STPG2: variants seen among roughly 807,000 people sequenced by gnomAD.
STPG2 encodes the protein sperm tail PG-rich repeat containing 2.
In STPG2, 56 loss-of-function variants were observed where a neutral mutation model predicts 54.2. The ratio of observed to expected loss-of-function variants is 1.03; its 90% CI spans 0.83 to 1.29. The LOEUF is 1.29. Ranked by LOEUF, STPG2 falls within the 50% of genes most tolerant of loss-of-function variation. STPG2 has a pLI of 0.00. For missense variants in STPG2, 596 were observed against 544.9 expected, an observed-to-expected ratio of 1.09 and a Z score of -0.93; for synonymous variants, 200 against 181.8, an observed-to-expected ratio of 1.10 and a Z score of -0.81.
chr4:97,984,974 G>A (rs985800292), intron 5 of STPG2, among the ~76,000 whole-genome samples: 1 of 151,994 alleles, frequency 6.6e-6, no homozygotes, highest in Non-Finnish European at 1.5e-5. Context: ...ATTGTTTTCT[G>A]GTTTATCTTC....
At chr4:97,685,464 C>T (rs902276573) in intron 10 of STPG2, among the ~76,000 whole-genome samples, 9 of 152,070 alleles carry the variant, frequency 5.9e-5, no homozygotes, top group African/African-American at 1.7e-4. Context: ...AAGCTATATA[C>T]TGTGTGACTG....
At chr4:97,860,498 T>C (rs1048396735) in intron 8 of STPG2, among the ~76,000 whole-genome samples, 4 of 149,108 alleles carry the variant, frequency 2.7e-5, no homozygotes. Flanking sequence ...TTTTATTTTA[T>C]TTTATTTTAT....
chr4:97,874,928 C>T (rs1730119301), intron 8 of STPG2, among the ~76,000 whole-genome samples: 1 of 151,886 alleles, frequency 6.6e-6, no homozygotes, highest in African/African-American at 2.4e-5. Flanking sequence ...ACTTCCCAGC[C>T]TCCAGCAATG....
At chr4:97,902,412 G>C (rs895991645) in intron 8 of STPG2, among the ~76,000 whole-genome samples, 1 of 152,072 alleles carries the variant, frequency 6.6e-6, no homozygotes, top group Middle Eastern at 3.4e-3. Flanking sequence ...ACCTGATAAG[G>C]GTTAATCTTC....
chr4:97,909,243 A>G (rs1331814801), intron 8 of STPG2, among the ~76,000 whole-genome samples: 1 of 151,990 alleles, frequency 6.6e-6, no homozygotes, highest in Non-Finnish European at 1.5e-5. Flanking sequence ...CTTTATGCAA[A>G]TACATTTGAA....
chr4:97,969,811 G>C (rs964585856), intron 7 of STPG2, among the ~76,000 whole-genome samples: 3 of 152,240 alleles, frequency 2.0e-5, no homozygotes, highest in East Asian at 1.9e-4. Flanking sequence ...GTTCTGGCCA[G>C]GGCAATCAGG....
intron 4 of STPG2, among the ~76,000 whole-genome samples, chr4:97,445,441 GAAGT>G (rs1372771575): frequency 6.6e-6 from 1 of 152,018 alleles, no homozygotes; most frequent in Admixed American, 6.6e-5. Flanking sequence ...GACCACATAA[GAAGT>G]AAAAATAAAC....
intron 8 of STPG2, among the ~76,000 whole-genome samples, chr4:97,890,479 T>G (rs1730726305): frequency 6.6e-6 from 1 of 151,832 alleles, no homozygotes; most frequent in Non-Finnish European, 1.5e-5. Flanking sequence ...ATTTAATTAT[T>G]ATTTAAAAAT....
intron 7 of STPG2, 24 bp from the exon 8 acceptor site, chr4:97,944,031 G>A (rs534314293): frequency 6.8e-7 from 1 of 1,463,656 alleles, no homozygotes; most frequent in African/African-American, 1.4e-5. Flanking sequence ...GGGTTAAAAA[G>A]AGTACATCAT....
At chr4:97,616,092 A>ATATGTATG (rs1553942953) in intron 10 of STPG2, among the ~76,000 whole-genome samples, 14 of 63,288 alleles carry the variant, frequency 2.2e-4, no homozygotes, top group South Asian at 1.7e-3. Context: ...ATATATATAT[A>ATATGTATG]TATGTATGTA....
chr4:97,536,132 T>C (rs1335570376), intron 4 of STPG2, among the ~76,000 whole-genome samples: 1 of 152,214 alleles, frequency 6.6e-6, no homozygotes, highest in Non-Finnish European at 1.5e-5. Context: ...CATGCCACCA[T>C]GCCTGCAAAA....
chr4:97,567,324 G>C (rs1019703371), intron 10 of STPG2, among the ~76,000 whole-genome samples: 1 of 151,080 alleles, frequency 6.6e-6, no homozygotes, highest in African/African-American at 2.4e-5. Context: ...ACATACTGTT[G>C]GTGAGGCTGT....
At chr4:98,035,385 C>A (rs1477905308) in intron 5 of STPG2, among the ~76,000 whole-genome samples, 1 of 152,146 alleles carries the variant, frequency 6.6e-6, no homozygotes, top group Non-Finnish European at 1.5e-5. Flanking sequence ...AAATGCAAAT[C>A]AAAACCACAA....
At chr4:97,905,779 A>G (rs1731389133) in intron 8 of STPG2, among the ~76,000 whole-genome samples, 1 of 152,184 alleles carries the variant, frequency 6.6e-6, no homozygotes, top group Admixed American at 6.5e-5. Flanking sequence ...AGCAAATGGA[A>G]AATAAAAAAA....
At chr4:97,680,167 G>T (rs1487707012) in intron 10 of STPG2, among the ~76,000 whole-genome samples, 12 of 151,036 alleles carry the variant, frequency 7.9e-5, no homozygotes, top group Admixed American at 1.3e-4. Context: ...TGTGAAGAAA[G>T]TCATTGGTAG....
At chr4:97,520,282 T>C (rs980390270) in intron 4 of STPG2, among the ~76,000 whole-genome samples, 1 of 152,046 alleles carries the variant, frequency 6.6e-6, no homozygotes, top group Non-Finnish European at 1.5e-5. Flanking sequence ...ACATCCTCAG[T>C]AGTCTACATG....
chr4:98,093,908 G>A (rs1393608434), intron 5 of STPG2, among the ~76,000 whole-genome samples: 3 of 152,216 alleles, frequency 2.0e-5, no homozygotes, highest in Admixed American at 6.5e-5. Context: ...TGGAACTAGA[G>A]TTTCTCAGGA....
chr4:98,069,342 C>T (rs984446982), intron 5 of STPG2, among the ~76,000 whole-genome samples: 7 of 151,882 alleles, frequency 4.6e-5, no homozygotes, highest in Non-Finnish European at 7.4e-5. Context: ...CAAACTTTTA[C>T]GCCACAATAA....
intron 5 of STPG2, among the ~76,000 whole-genome samples, chr4:97,993,202 A>G (rs1042649112): frequency 6.6e-6 from 1 of 152,124 alleles, no homozygotes. Context: ...TCTGTTTACT[A>G]TAATGTTGCC....
Sources: gnomAD v4.1 joint callset for allele counts (sites outside exome capture counted in the v4.1 genomes callset) on GRCh38, gnomAD v4.1.1 for gene constraint, MANE v1.5 for transcripts, NCBI Gene and HGNC (gene_info 2026-07-23, HGNC 2026-07-21) for gene names.